The following PPIP5K2 variants were observed in gnomAD, a reference collection of about 807,000 sequenced individuals.
PPIP5K2 encodes inositol hexakisphosphate and diphosphoinositol-pentakisphosphate kinase 2.
Under a neutral mutation model 154.6 loss-of-function variants are expected in PPIP5K2, and 105 were observed. The observed-to-expected ratio is 0.68, with a 90% CI of 0.58 to 0.80. PPIP5K2 has a LOEUF of 0.80. PPIP5K2 is among the 30% of genes least tolerant of loss of function. The pLI, the probability that PPIP5K2 is intolerant of heterozygous loss-of-function variation, is 0.00. For synonymous variants in PPIP5K2, 480 were observed against 490.3 expected (o/e 0.98, Z 0.28); for missense variants, 992 against 1,504.6 (o/e 0.66, Z 5.64).
chr5:103,150,796 A>T (rs1286412352), intron 8 of PPIP5K2, among the ~76,000 whole-genome samples: 1 of 141,752 alleles, frequency 7.1e-6, no homozygotes, highest in African/African-American at 2.6e-5. Context: ...AGATCACAAG[A>T]TTTCCTCTGG....
intron 3 of PPIP5K2, among the ~76,000 whole-genome samples, chr5:103,135,054 A>G (rs1022757975): frequency 2.0e-4 from 30 of 152,332 alleles, no homozygotes; most frequent in African/African-American, 7.0e-4. Flanking sequence ...CTTCACAGGT[A>G]TACTTAGTAT....
At position 103,189,004 on chromosome 5, in the gene PPIP5K2, A is replaced by G. The variant is rs1211716656; in HGVS notation, c.3352+1628A>G. ...TGTCTTATCTGTCCTATGAATTGTC[A>G]TTTGACTCTTCCTTTTACTTTTTAT... is the stretch of plus-strand genomic sequence containing the variant. On this transcript the variant is annotated intron_variant, in intron 28 of 30. Transcript: ENST00000358359. 3 of 523,716 alleles carry G rather than the reference A, an allele frequency of 5.7e-6. No individual in the cohort carries two copies. The East Asian group carries it at 9.2e-5, about 16-fold the overall frequency. The allele number at this position is 523,716 out of a possible 1,614,324, so 32.4% of individuals were successfully genotyped here. A position where few individuals can be genotyped will look rare whatever the true frequency, so the allele number is the denominator to read the frequency against.
At chr5:103,141,937 C>T (rs545335734) in intron 5 of PPIP5K2, among the ~76,000 whole-genome samples, 87 of 152,344 alleles carry the variant, frequency 5.7e-4, no homozygotes, top group African/African-American at 2.0e-3. Flanking sequence ...GACTCTCCAC[C>T]TCCCCACCAG....
rs782780486 is a variant in PPIP5K2, at chr5:103,154,816, TATTA to T, written c.1294-14_1294-11del. 1.8e-5 allele frequency: 28 copies of T among 1,548,862 alleles called. No individual in the cohort carries two copies. The highest frequency in any genetic ancestry group is 2.4e-5 in the Non-Finnish European group (28 of 1,150,472). ...GAAATTACATAAAAATTCAATTTTT[TATTA>T]ATTTATTTTATAGGAAGTGCTAGAT... On this transcript the variant is annotated splice_polypyrimidine_tract_variant and intron_variant, in intron 12 of 30. Transcript: ENST00000358359.
At chr5:103,139,216 TCA>T (rs1173564981) in intron 5 of PPIP5K2, among the ~76,000 whole-genome samples, 1 of 152,232 alleles carries the variant, frequency 6.6e-6, no homozygotes, top group Non-Finnish European at 1.5e-5. Context: ...ACATTTCTGT[TCA>T]CACTTAGTAT....
At chr5:103,161,905 C>T (rs1208059914) in intron 17 of PPIP5K2, among the ~76,000 whole-genome samples, 1 of 151,926 alleles carries the variant, frequency 6.6e-6, no homozygotes, top group African/African-American at 2.4e-5. Context: ...CTGTAGGTTG[C>T]CTGTTCACTC....
intron 28 of PPIP5K2, chr5:103,188,937 T>C (rs577115783): frequency 1.0e-5 from 4 of 384,352 alleles, no homozygotes; most frequent in Non-Finnish European, 1.4e-5. Flanking sequence ...AATATTTCTT[T>C]TGAGTTTTAA....
In PPIP5K2 at chr5:103,165,950, C is replaced by T. The variant is rs142440220; in HGVS notation, c.1921-1229C>T. 2.3e-3 allele frequency among the ~76,000 whole-genome samples: 349 copies of T among 152,188 alleles called. 2 individuals carry two copies. The highest frequency in any genetic ancestry group is 3.4e-3 in the Middle Eastern group (1 of 294). On this transcript the variant is annotated intron_variant, in intron 17 of 30. Transcript: ENST00000358359. ...TGCTTAGAGTGCCAGAACCATTGTG[C>T]TCAGATCAGCTATAGACAGTAGCAG... is the stretch of plus-strand genomic sequence containing the variant.
Position 103,203,922 on chromosome 5 carries a change from A to T in PPIP5K2, c.*2288A>T, listed in dbSNP as rs1341476639. The T allele has an allele frequency of 1.3e-5, 2 of 152,190 alleles. No individual in the cohort carries two copies. The highest frequency in any genetic ancestry group is 2.9e-5 in the Non-Finnish European group (2 of 68,026). 9.4% of individuals were successfully genotyped at this position (152,190 alleles called of 1,614,324 possible). On this transcript the variant is annotated 3_prime_UTR_variant, in exon 31 of 31. Coordinates refer to ENST00000358359, the MANE Select transcript of PPIP5K2 (RefSeq NM_001276277.3). Reference sequence around the variant, plus strand: ...AAAAGTGTGCTGAACACCTTATGTCAGTGATAGACAAGATATAGAGGCTGA... The same window carrying T: ...AAAAGTGTGCTGAACACCTTATGTCTGTGATAGACAAGATATAGAGGCTGA...
chr5:103,182,248 A>G (rs1208527442), intron 24 of PPIP5K2, among the ~76,000 whole-genome samples: 2 of 152,126 alleles, frequency 1.3e-5, no homozygotes, highest in African/African-American at 4.8e-5. Context: ...GAATACAGCA[A>G]AATGTATTGT....
chr5:103,174,207 T>C (rs1554220304), intron 21 of PPIP5K2: 1 of 345,422 alleles, frequency 2.9e-6, no homozygotes, highest in African/African-American at 2.1e-5. Flanking sequence ...TAGGTGATTT[T>C]ATAGACTGGT....
Position 103,210,498 on chromosome 5 carries a change from A to C in PPIP5K2, c.*8864A>C, listed in dbSNP as rs1803746251. The C allele has an allele frequency of 6.6e-6, 1 of 152,118 alleles. No homozygotes were observed. Among genetic ancestry groups the C allele is most frequent in the Non-Finnish European group, 1.5e-5 (1 of 67,982 alleles). 9.4% of individuals were successfully genotyped at this position (152,118 alleles called of 1,614,324 possible). A position where few individuals can be genotyped will look rare whatever the true frequency, so the allele number is the denominator to read the frequency against. On this transcript the variant is annotated 3_prime_UTR_variant, in exon 31 of 31. Coordinates refer to ENST00000358359, the MANE Select transcript of PPIP5K2 (RefSeq NM_001276277.3). Reference sequence around the variant, plus strand: ...TGGATAGAATAAGGAGCTGGGAGAAAGGAGACCTGGGTATTAATCTCAGCT... The same window carrying C: ...TGGATAGAATAAGGAGCTGGGAGAACGGAGACCTGGGTATTAATCTCAGCT...
chr5:103,123,540 C>G (rs1284364484), intron 1 of PPIP5K2, among the ~76,000 whole-genome samples: 1 of 152,202 alleles, frequency 6.6e-6, no homozygotes, highest in African/African-American at 2.4e-5. Context: ...AGTAGCATAA[C>G]ACTCATTTCA....
intron 19 of PPIP5K2, among the ~76,000 whole-genome samples, chr5:103,168,736 T>C (rs1177450149): frequency 2.0e-5 from 3 of 151,854 alleles, no homozygotes; most frequent in Non-Finnish European, 4.4e-5. Flanking sequence ...ACATATGGGT[T>C]TGGGCAAATT....
intron 24 of PPIP5K2, among the ~76,000 whole-genome samples, chr5:103,182,682 G>A (rs1799726611): frequency 6.6e-6 from 1 of 152,090 alleles, no homozygotes; most frequent in Non-Finnish European, 1.5e-5. Context: ...AGTATAAACA[G>A]GTGCAATTTG....
chr5:103,120,385 T>G lies in PPIP5K2; in HGVS notation c.-388T>G, dbSNP rs1323884215. ...GTCCACGCCTACAACTGAAGTCTCT[T>G]GACAAACACCTCACCCCTGCCTCCG... On this transcript the variant is annotated 5_prime_UTR_variant, in exon 1 of 31. Coordinates refer to ENST00000358359, the MANE Select transcript of PPIP5K2 (RefSeq NM_001276277.3). 8.8e-6 allele frequency: 4 copies of G among 456,466 alleles called. No individual in the cohort carries two copies. Among genetic ancestry groups the G allele is most frequent in the Non-Finnish European group, 1.3e-5 (3 of 226,866 alleles). The allele number at this position is 456,466 out of a possible 1,614,324, so 28.3% of individuals were successfully genotyped here.
intron 10 of PPIP5K2, 38 bp downstream of exon 10, chr5:103,152,787 C>T (rs782262423): frequency 7.4e-7 from 1 of 1,356,670 alleles, no homozygotes; most frequent in South Asian, 1.2e-5. Context: ...ATTGAGTTTT[C>T]CTTGCCATCT....
At chr5:103,186,268 A>C in intron 26 of PPIP5K2, 52 bp from the exon 27 acceptor site, 1 of 1,609,528 alleles carries the variant, frequency 6.2e-7, no homozygotes, top group Non-Finnish European at 8.5e-7. Flanking sequence ...TGAATTCCCA[A>C]TGTGAATGGA....
intron 19 of PPIP5K2, among the ~76,000 whole-genome samples, chr5:103,172,205 A>G (rs1438757069): frequency 2.6e-5 from 4 of 151,648 alleles, no homozygotes; most frequent in Non-Finnish European, 4.4e-5. Context: ...TTGCATATTC[A>G]CTATATAGTC....
Sources: allele counts gnomAD v4.1 joint callset (sites outside exome capture counted in the v4.1 genomes callset), GRCh38; gene constraint gnomAD v4.1.1; transcripts MANE v1.5; gene names NCBI Gene and HGNC (gene_info 2026-07-23, HGNC 2026-07-21).